Variants in GFPT1 observed in about 807,000 individuals in gnomAD.
GFPT1 encodes glutamine--fructose-6-phosphate transaminase 1, also known as glutamine--fructose-6-phosphate aminotransferase [isomerizing] 1.
GFPT1 carries 40 observed loss-of-function variants against 92.0 expected under a neutral mutation model. That is an observed-to-expected ratio of 0.43 (90% confidence interval 0.34 to 0.57). The LOEUF (loss-of-function observed/expected upper bound fraction) is 0.57, where lower values mean the gene tolerates loss of function less well. Ranked by LOEUF, GFPT1 falls within the 20% of genes least tolerant of loss-of-function variation. GFPT1 has a pLI of 0.02. For missense variants in GFPT1, 448 were observed against 869.1 expected, an observed-to-expected ratio of 0.52 and a Z score of 6.09; for synonymous variants, 269 against 280.6, an observed-to-expected ratio of 0.96 and a Z score of 0.41.
In GFPT1 at chr2:69,328,511, G is replaced by C. The variant is rs973561635; in HGVS notation, c.1726-73C>G. The C allele has an allele frequency of 9.2e-6, 10 of 1,083,756 alleles. No homozygotes were observed. In the Middle Eastern group the frequency reaches 6.8e-4, roughly 74 times the overall value. The allele number at this position is 1,083,756 out of a possible 1,614,324, so 67.1% of individuals were successfully genotyped here. A position where few individuals can be genotyped will look rare whatever the true frequency, so the allele number is the denominator to read the frequency against. On this transcript the variant is annotated intron_variant, in intron 17 of 19. Coordinates refer to ENST00000357308, the MANE Select transcript of GFPT1 (RefSeq NM_001244710.2). ...CATGTTTAAGTAAATATTATAAAAA[G>C]CATCTGATATGTCAAGCCACTGTCT...
At chr2:69,348,136 AG>A (rs747853746) in intron 11 of GFPT1, 34 bp downstream of exon 11, 40 of 1,528,314 alleles carry the variant, frequency 2.6e-5, no homozygotes, top group Non-Finnish European at 3.4e-5. Flanking sequence ...CTTTCCAGTA[AG>A]GACAGCAAGC....
chr2:69,367,672 T>C (rs1461693663), intron 3 of GFPT1, among the ~76,000 whole-genome samples: 1 of 152,314 alleles, frequency 6.6e-6, no homozygotes, highest in African/African-American at 2.4e-5. Context: ...ACACAACTTA[T>C]TATATCATCC....
chr2:69,361,859 G>T (rs191642526), intron 4 of GFPT1, among the ~76,000 whole-genome samples: 1 of 152,106 alleles, frequency 6.6e-6, no homozygotes, highest in Admixed American at 6.5e-5. Flanking sequence ...GCAAGCCTGT[G>T]ATCCTAGCTA....
intron 19 of GFPT1, 90 bp from the exon 20 acceptor site, chr2:69,326,323 A>G: frequency 1.3e-6 from 1 of 788,342 alleles, no homozygotes; most frequent in East Asian, 2.6e-5. Flanking sequence ...ATTTTTGTTT[A>G]TAAAAACAGA....
intron 9 of GFPT1, among the ~76,000 whole-genome samples, chr2:69,353,331 G>GT (rs1203051231): frequency 2.0e-5 from 3 of 152,102 alleles, no homozygotes; most frequent in African/African-American, 7.2e-5. Flanking sequence ...AAGCCCAAGA[G>GT]TTTGAGACCA....
intron 19 of GFPT1, among the ~76,000 whole-genome samples, 192 bp downstream of exon 19, chr2:69,326,722 G>A (rs1040248650): frequency 1.3e-5 from 2 of 152,240 alleles, no homozygotes; most frequent in Middle Eastern, 3.4e-3. Flanking sequence ...TGAACCCCAA[G>A]GTTCCTTCAA....
intron 2 of GFPT1, among the ~76,000 whole-genome samples, 187 bp downstream of exon 2, chr2:69,373,819 C>T (rs1671808287): frequency 6.6e-6 from 1 of 152,118 alleles, no homozygotes. Context: ...AAGCAATACT[C>T]CACATAAATG....
intron 15 of GFPT1, among the ~76,000 whole-genome samples, chr2:69,337,222 C>T (rs1193032331): frequency 6.6e-6 from 1 of 151,892 alleles, no homozygotes; most frequent in African/African-American, 2.4e-5. Flanking sequence ...CGTGCTACCA[C>T]ACCTGGCTAA....
At chr2:69,363,498 T>C (rs748771772) in intron 4 of GFPT1, 47 bp downstream of exon 4, 18 of 1,576,268 alleles carry the variant, frequency 1.1e-5, no homozygotes, top group Non-Finnish European at 1.6e-5. Flanking sequence ...CTGCCCCCAT[T>C]ATTAGGTTTC....
rs1297684627 is a variant in GFPT1 at position 69,332,559 on chromosome 2, C to G, written c.1483-2761G>C. On this transcript the variant is annotated intron_variant, in intron 15 of 19. Coordinates refer to ENST00000357308, the MANE Select transcript of GFPT1 (RefSeq NM_001244710.2). ...TCTTGAACTCCTGTCCTCAAGTGAT[C>G]TGCCCAAAGTGCTGGGATTACAAGC... 4.6e-5 allele frequency among the ~76,000 whole-genome samples: 7 copies of G among 152,138 alleles called. No homozygotes were observed. The East Asian group carries it at 1.2e-3, about 25-fold the overall frequency.
chr2:69,369,376 T>C (rs1032652585), intron 3 of GFPT1, among the ~76,000 whole-genome samples: 4 of 152,186 alleles, frequency 2.6e-5, no homozygotes. Flanking sequence ...TTTAAAAATA[T>C]TTTTTCAATC....
intron 15 of GFPT1, chr2:69,334,686 G>C (rs1472333426): frequency 6.6e-6 from 1 of 152,054 alleles, no homozygotes; most frequent in African/African-American, 2.4e-5. Flanking sequence ...AATTTAACTG[G>C]CTTTATTTAA....
chr2:69,387,153 C>A lies in GFPT1; in HGVS notation c.-82G>T. ...GCACACACGAGCTTCGGTGGGCAATCTGCGGGCTCGGGGGCCGGGGTGGCG... is the reference window on the plus strand; with the variant it reads ...GCACACACGAGCTTCGGTGGGCAATATGCGGGCTCGGGGGCCGGGGTGGCG... On this transcript the variant is annotated 5_prime_UTR_variant, in exon 1 of 20. Transcript: ENST00000357308. 6.9e-7 allele frequency: 1 copy of A among 1,456,976 alleles called. No individual in the cohort carries two copies. The highest frequency in any genetic ancestry group is 1.3e-5 in the South Asian group (1 of 77,228). The allele number at this position is 1,456,976 out of a possible 1,614,324, so 90.3% of individuals were successfully genotyped here.
chr2:69,329,639 C>T, intron 16 of GFPT1, 45 bp downstream of exon 16: 1 of 1,252,858 alleles, frequency 8.0e-7, no homozygotes, highest in South Asian at 1.2e-5. Flanking sequence ...ACCTATTACC[C>T]ACTCCCTTAG....
chr2:69,372,509 G>T (rs1461517316), intron 2 of GFPT1, among the ~76,000 whole-genome samples: 1 of 151,984 alleles, frequency 6.6e-6, no homozygotes, highest in African/African-American at 2.4e-5. Flanking sequence ...GACAGAGGTT[G>T]CAACAGTCAG....
chr2:69,354,688 A>T, intron 7 of GFPT1, 120 bp from the exon 8 acceptor site: 1 of 717,610 alleles, frequency 1.4e-6, no homozygotes. Flanking sequence ...GCTCAACTTC[A>T]GATATAAGAA....
chr2:69,334,831 T>G (rs546408833), intron 15 of GFPT1: 1 of 152,046 alleles, frequency 6.6e-6, no homozygotes, highest in South Asian at 2.1e-4. Context: ...GGCTGGAGGG[T>G]AGGAGTAAGG....
intron 3 of GFPT1, among the ~76,000 whole-genome samples, chr2:69,365,589 C>T (rs886660841): frequency 6.6e-6 from 1 of 152,174 alleles, no homozygotes; most frequent in Non-Finnish European, 1.5e-5. Context: ...AAACAGCAGC[C>T]TACCTTATTA....
intron 17 of GFPT1, 43 bp downstream of exon 17, chr2:69,329,254 G>A: frequency 6.3e-6 from 10 of 1,590,390 alleles, no homozygotes; most frequent in South Asian, 1.1e-5. Context: ...TGTCAGGTCT[G>A]CAGGTCAATG....
Sources: gnomAD v4.1 joint callset for allele counts (sites outside exome capture counted in the v4.1 genomes callset) on GRCh38, gnomAD v4.1.1 for gene constraint, MANE v1.5 for transcripts, NCBI Gene and HGNC (gene_info 2026-07-23, HGNC 2026-07-21) for gene names.